Variants in BPIFB1 observed in about 807,000 individuals in gnomAD.
The protein encoded by BPIFB1 is BPI fold-containing family B member 1.
Under a neutral mutation model 55.1 loss-of-function variants are expected in BPIFB1, and 34 were observed. That is an observed-to-expected ratio of 0.62 (90% CI 0.47 to 0.82). The LOEUF is 0.82. BPIFB1 is among the 40% of genes least tolerant of loss of function. The probability of loss-of-function intolerance (pLI) is 0.00; values close to 1 mark genes in which losing one functional copy is unlikely to be tolerated. For synonymous variants in BPIFB1, 236 were observed against 245.3 expected (o/e 0.96, Z 0.35); for missense variants, 532 against 593.1 (o/e 0.90, Z 1.07).
intron 3 of BPIFB1, 30 bp downstream of exon 3, chr20:33,288,912 A>G (rs746081066): frequency 1.3e-6 from 2 of 1,598,470 alleles, no homozygotes; most frequent in South Asian, 1.1e-5. Flanking sequence ...ACCAGGAGCT[A>G]GCCCCTTCCC....
chr20:33,305,515 C>T (rs1980995107), intron 13 of BPIFB1, among the ~76,000 whole-genome samples: 1 of 151,948 alleles, frequency 6.6e-6, no homozygotes, highest in South Asian at 2.1e-4. Context: ...GACAGGGTTT[C>T]ACCATGTTAG....
chr20:33,292,699 A>AT (rs898185019), intron 6 of BPIFB1, among the ~76,000 whole-genome samples: 5 of 148,382 alleles, frequency 3.4e-5, no homozygotes, highest in African/African-American at 9.9e-5. Flanking sequence ...GTCCTGTTGG[A>AT]TTTTTTTTCT....
At chr20:33,307,050 T>A in intron 15 of BPIFB1, 63 bp downstream of exon 15, 1 of 1,489,690 alleles carries the variant, frequency 6.7e-7, no homozygotes, top group Non-Finnish European at 9.4e-7. Context: ...GAGCCCTGGC[T>A]GGGAGGTGGG....
chr20:33,307,177 A>G (rs890639536), intron 15 of BPIFB1, 190 bp downstream of exon 15: 1 of 586,620 alleles, frequency 1.7e-6, no homozygotes, highest in Non-Finnish European at 3.1e-6. Context: ...GAACCCTCCT[A>G]GCCTGGGGTC....
intron 6 of BPIFB1, among the ~76,000 whole-genome samples, chr20:33,293,769 A>C (rs528951289): frequency 9.3e-4 from 141 of 152,292 alleles, no homozygotes; most frequent in African/African-American, 3.1e-3. Flanking sequence ...TGAGTCTAGG[A>C]TGTTGAGGCT....
chr20:33,288,058 T>C (rs1371767486), intron 2 of BPIFB1, among the ~76,000 whole-genome samples: 1 of 152,140 alleles, frequency 6.6e-6, no homozygotes, highest in Non-Finnish European at 1.5e-5. Context: ...GGGACACACA[T>C]CTGAGCCATC....
In BPIFB1 at chr20:33,309,711, G is replaced by A. The variant is rs780123114; in HGVS notation, c.1399G>A (p.Ala467Thr). 1.2e-6 allele frequency: 2 copies of A among 1,614,074 alleles called. No individual in the cohort carries two copies. The highest frequency in any genetic ancestry group is 1.7e-6 in the Non-Finnish European group (2 of 1,179,914). Residue 467 changes from alanine to threonine, a missense_variant, in exon 16 of 16, where the codon GCC (alanine) becomes ACC (threonine). Physicochemically the swap from Ala to Thr is moderately conservative, Grantham distance 58. Coordinates refer to ENST00000253354, the MANE Select transcript of BPIFB1 (RefSeq NM_033197.3). This position sits in a 1 kb window ranked among gnomAD's most constrained non-coding sequence, Gnocchi z 4.4. ...EAAESSLTKD[A>T]LVLTPASLWK... Reference sequence around the variant, plus strand: ...GACTTTTCCCCTCCAATTCCAGGATGCCCTTGTGCTTACTCCAGCCTCCTT... The same window carrying A: ...GACTTTTCCCCTCCAATTCCAGGATACCCTTGTGCTTACTCCAGCCTCCTT...
intron 5 of BPIFB1, 108 bp downstream of exon 5, chr20:33,291,214 A>C: frequency 7.2e-7 from 1 of 1,387,044 alleles, no homozygotes; most frequent in Non-Finnish European, 9.7e-7. Context: ...TAGAGAAAGA[A>C]AGGGACTTAT....
In BPIFB1 at chr20:33,299,938, T is replaced by A. The variant is rs112817840; in HGVS notation, c.701T>A (p.Leu234His). ...AGCATTGACCGTCTGGAGTTTGACC[T>A]TCTGTATCCTGCCATCAAGGGTGAC... ...SLSIDRLEFD[L>H]LYPAIKGDTI... The change falls in exon 8 of 16, where the codon CTT (leucine) becomes CAT (histidine). Residue 234 changes from leucine (L) to histidine (H), a missense_variant. Coordinates refer to ENST00000253354, the MANE Select transcript of BPIFB1 (RefSeq NM_033197.3). 22 of 1,614,000 alleles carry A rather than the reference T, an allele frequency of 1.4e-5. No individual in the cohort carries two copies. Among genetic ancestry groups the A allele is most frequent in the Non-Finnish European group, 1.9e-5 (22 of 1,180,008 alleles).
chr20:33,284,783 G>A (rs1389211240), intron 1 of BPIFB1, among the ~76,000 whole-genome samples: 1 of 152,152 alleles, frequency 6.6e-6, no homozygotes, highest in Non-Finnish European at 1.5e-5. Flanking sequence ...AGATGTTGAT[G>A]CCACACCCCT....
At chr20:33,288,320 T>C (rs565108694) in intron 2 of BPIFB1, among the ~76,000 whole-genome samples, 1 of 152,218 alleles carries the variant, frequency 6.6e-6, no homozygotes, top group Non-Finnish European at 1.5e-5. Context: ...CCATAGGATA[T>C]GGATGCCAGA....
chr20:33,306,836 G>A, intron 14 of BPIFB1, 75 bp from the exon 15 acceptor site: 1 of 1,306,938 alleles, frequency 7.7e-7, no homozygotes, highest in South Asian at 1.2e-5. Context: ...CTCCCCTTCA[G>A]GAACCCTGAG....
chr20:33,288,707 C>G, intron 2 of BPIFB1, 34 bp from the exon 3 acceptor site: 1 of 1,604,762 alleles, frequency 6.2e-7, no homozygotes, highest in Non-Finnish European at 8.5e-7. Flanking sequence ...CTTGCCCCTC[C>G]TCCTGGGCCC....
chr20:33,305,008 G>A, intron 13 of BPIFB1, 117 bp downstream of exon 13: 1 of 1,172,116 alleles, frequency 8.5e-7, no homozygotes, highest in Non-Finnish European at 1.3e-6. Flanking sequence ...GCACCATGGG[G>A]GGCTGGCCGG....
rs1051909377 is a variant in BPIFB1, at chr20:33,294,185, A to C, written c.597+2197A>C. Among the ~76,000 whole-genome samples the C allele has an allele frequency of 3.3e-5, 5 of 152,356 alleles. No individual in the cohort carries two copies. In the East Asian group the frequency reaches 9.6e-4, roughly 29 times the overall value. On this transcript the variant is annotated intron_variant, in intron 6 of 15. Transcript: ENST00000253354. ...GCCAGGGAAAAATAAGTGAATAATC[A>C]AAAACTAAATAAAGCTCAAATAAGA...
At chr20:33,289,402 A>AC (rs1980379343) in intron 3 of BPIFB1, among the ~76,000 whole-genome samples, 1 of 151,696 alleles carries the variant, frequency 6.6e-6, no homozygotes, top group Non-Finnish European at 1.5e-5. Context: ...AAACAAAAAA[A>AC]AAAAAACAAC....
intron 3 of BPIFB1, 70 bp downstream of exon 3, chr20:33,288,952 C>G: frequency 6.6e-7 from 1 of 1,509,740 alleles, no homozygotes; most frequent in Non-Finnish European, 8.9e-7. Flanking sequence ...GCTCTGCATG[C>G]TCAGTCAACC....
At chr20:33,302,540 C>A in intron 10 of BPIFB1, 128 bp downstream of exon 10, 1 of 1,027,332 alleles carries the variant, frequency 9.7e-7, no homozygotes, top group Non-Finnish European at 1.5e-6. Context: ...GCATCCCTGT[C>A]CGCACAGAGA....
Position 33,288,806 on chromosome 20 carries a change from G to T in BPIFB1, c.181G>T (p.Ala61Ser), listed in dbSNP as rs776777296. The change falls in exon 3 of 16, where the codon GCC (alanine) becomes TCC (serine). Residue 61 changes from alanine (A) to serine (S), a missense_variant. Physicochemically the swap from Ala to Ser is moderately conservative, Grantham distance 99. Transcript: ENST00000253354. Reference sequence around the variant, plus strand: ...CCTGCAGCAGCTGCCGCTGCTCAGTGCCATGCGGGAAAAGCCAGCCGGAGG... The same window carrying T: ...CCTGCAGCAGCTGCCGCTGCTCAGTTCCATGCGGGAAAAGCCAGCCGGAGG... Reference protein sequence around the residue: ...SILQQLPLLSAMREKPAGGIP... With the variant: ...SILQQLPLLSSMREKPAGGIP... 1.9e-6 allele frequency: 3 copies of T among 1,613,992 alleles called. No individual in the cohort carries two copies. Among genetic ancestry groups the T allele is most frequent in the East Asian group, 2.2e-5 (1 of 44,882 alleles).
Sources: gnomAD v4.1 joint callset for allele counts (sites outside exome capture counted in the v4.1 genomes callset) on GRCh38, gnomAD v4.1.1 for gene constraint, Gnocchi (gnomAD v3.1) non-coding constraint, MANE v1.5 for transcripts, NCBI Gene and HGNC (gene_info 2026-07-23, HGNC 2026-07-21) for gene names.